SGCZ: variants seen among roughly 807,000 people sequenced by gnomAD.
SGCZ encodes the protein sarcoglycan zeta.
A neutral mutation model predicts 41.3 loss-of-function variants in SGCZ; 40 were observed. That is an observed-to-expected ratio of 0.97 (90% CI 0.75 to 1.26). The LOEUF (loss-of-function observed/expected upper bound fraction) is 1.26, where lower values mean the gene tolerates loss of function less well. Ranked by LOEUF, SGCZ falls within the 50% of genes most tolerant of loss-of-function variation. SGCZ has a pLI of 0.00. For synonymous variants in SGCZ, 206 were observed against 137.5 expected, an observed-to-expected ratio of 1.50 and a Z score of -3.49; for missense variants, 552 against 369.8, an observed-to-expected ratio of 1.49 and a Z score of -4.04.
chr8:14,510,705 A>G (rs146338210), intron 2 of SGCZ, among the ~76,000 whole-genome samples: 26 of 152,288 alleles, frequency 1.7e-4, no homozygotes, highest in African/African-American at 6.3e-4. Flanking sequence ...CTTGATTGAC[A>G]AGGAAAAGAA....
At chr8:14,920,256 A>G (rs1799551450) in intron 1 of SGCZ, among the ~76,000 whole-genome samples, 1 of 152,158 alleles carries the variant, frequency 6.6e-6, no homozygotes, top group East Asian at 1.9e-4. Flanking sequence ...AGATCATCAT[A>G]ACCCAAACTG....
chr8:14,495,202 T>G (rs1801955451), intron 2 of SGCZ, among the ~76,000 whole-genome samples: 2 of 152,154 alleles, frequency 1.3e-5, no homozygotes, highest in Non-Finnish European at 2.9e-5. Flanking sequence ...CATATTATCT[T>G]CTTTGGGTAA....
In SGCZ at chr8:14,656,359, TTC is replaced by T. The variant is rs1563182838; in HGVS notation, c.40-101435_40-101434del. On this transcript the variant is annotated intron_variant, in intron 1 of 7. Transcript: ENST00000382080. ...CCTCCCTTCCTTCTCTCCTTCCTTC[TTC>T]CTTTTCTTTTCGTTTTTTCTTCTTT... Among the ~76,000 whole-genome samples the T allele has an allele frequency of 7.4e-4, 111 of 149,664 alleles. 2 individuals carry two copies. The highest frequency in any genetic ancestry group is 2.6e-3 in the African/African-American group (108 of 41,028).
At chr8:14,826,159 C>T (rs1802303896) in intron 1 of SGCZ, among the ~76,000 whole-genome samples, 2 of 149,416 alleles carry the variant, frequency 1.3e-5, no homozygotes, top group South Asian at 4.3e-4. Context: ...GTTCAATTCC[C>T]ACCTATGAGT....
At chr8:14,933,842 T>A (rs1428469162) in intron 1 of SGCZ, among the ~76,000 whole-genome samples, 1 of 152,070 alleles carries the variant, frequency 6.6e-6, no homozygotes, top group African/African-American at 2.4e-5. Context: ...GCTCGTACCA[T>A]ACCAATTGTT....
At chr8:14,871,053 C>G (rs2130702371) in intron 1 of SGCZ, among the ~76,000 whole-genome samples, 1 of 152,028 alleles carries the variant, frequency 6.6e-6, no homozygotes, top group Admixed American at 6.6e-5. Flanking sequence ...ACTAAAAATA[C>G]AAAATTAGGT....
intron 1 of SGCZ, among the ~76,000 whole-genome samples, chr8:15,068,899 T>C (rs1254030873): frequency 2.6e-5 from 4 of 152,208 alleles, no homozygotes; most frequent in Non-Finnish European, 5.9e-5. Flanking sequence ...GTATTAAGTT[T>C]ATGTGGTCTG....
intron 5 of SGCZ, among the ~76,000 whole-genome samples, chr8:14,154,045 A>T (rs1387615718): frequency 6.6e-6 from 1 of 152,018 alleles, no homozygotes; most frequent in Non-Finnish European, 1.5e-5. Flanking sequence ...TGGCACCCTG[A>T]TCTCGAACTT....
chr8:14,465,745 A>T (rs1283548438), intron 2 of SGCZ, among the ~76,000 whole-genome samples: 1 of 151,778 alleles, frequency 6.6e-6, no homozygotes, highest in African/African-American at 2.4e-5. Flanking sequence ...ATATCAGCTT[A>T]ACTTCAATAA....
At chr8:14,671,842 C>G (rs1032906809) in intron 1 of SGCZ, among the ~76,000 whole-genome samples, 24 of 152,108 alleles carry the variant, frequency 1.6e-4, no homozygotes, top group Non-Finnish European at 2.8e-4. Context: ...TTGGTGTCTT[C>G]TCTCTTCCGT....
At chr8:14,436,476 C>G (rs549410659) in intron 2 of SGCZ, among the ~76,000 whole-genome samples, 1 of 152,138 alleles carries the variant, frequency 6.6e-6, no homozygotes, top group Non-Finnish European at 1.5e-5. Context: ...TTTTAAGACA[C>G]TTTTAAGGGA....
At chr8:14,142,340 T>G (rs139104755) in intron 5 of SGCZ, among the ~76,000 whole-genome samples, 1 of 151,958 alleles carries the variant, frequency 6.6e-6, no homozygotes, top group African/African-American at 2.4e-5. Flanking sequence ...AAAAGAAATA[T>G]GAAAACACAT....
intron 1 of SGCZ, among the ~76,000 whole-genome samples, chr8:14,635,712 G>A (rs1806805184): frequency 6.6e-6 from 1 of 151,484 alleles, no homozygotes; most frequent in South Asian, 2.1e-4. Flanking sequence ...TGGAAGCCGT[G>A]TTCCAACTGA....
intron 5 of SGCZ, among the ~76,000 whole-genome samples, chr8:14,138,770 T>A (rs768750142): frequency 6.6e-6 from 1 of 152,126 alleles, no homozygotes; most frequent in Non-Finnish European, 1.5e-5. Flanking sequence ...CTGTAAACAT[T>A]AGACAGATCA....
At chr8:15,188,137 G>A (rs1009839754) in intron 1 of SGCZ, among the ~76,000 whole-genome samples, 3 of 151,882 alleles carry the variant, frequency 2.0e-5, no homozygotes, top group Non-Finnish European at 4.4e-5. Flanking sequence ...TAGATAATCT[G>A]ACTGCAGCAT....
chr8:15,046,946 G>T (rs1804328541), intron 1 of SGCZ, among the ~76,000 whole-genome samples: 1 of 151,712 alleles, frequency 6.6e-6, no homozygotes, highest in Non-Finnish European at 1.5e-5. Flanking sequence ...TTTCAAAATT[G>T]TTCATTCATA....
chr8:15,004,770 G>T (rs1802541501), intron 1 of SGCZ, among the ~76,000 whole-genome samples: 1 of 152,120 alleles, frequency 6.6e-6, no homozygotes. Flanking sequence ...AGGAATAAGA[G>T]GTGGAAAACT....
intron 1 of SGCZ, among the ~76,000 whole-genome samples, chr8:14,694,357 G>C (rs561720140): frequency 3.3e-5 from 5 of 151,994 alleles, no homozygotes; most frequent in African/African-American, 1.2e-4. Context: ...TATTTTTCTG[G>C]GATATTTTGC....
chr8:14,190,627 G>C lies in SGCZ; in HGVS notation c.425-25925C>G, dbSNP rs894995698. On this transcript the variant is annotated intron_variant, in intron 4 of 7. Transcript: ENST00000382080. ...TTTCTTTTTTTGTTTTTTTGAGATG[G>C]AGTCTCGCTCTGTCGCCCAGGCTGG... Among the ~76,000 whole-genome samples, 3 of 151,768 alleles carry C rather than the reference G, an allele frequency of 2.0e-5. No homozygotes were observed. The South Asian group carries it at 6.2e-4, about 32-fold the overall frequency.
Sources: allele counts gnomAD v4.1 joint callset (sites outside exome capture counted in the v4.1 genomes callset), GRCh38; gene constraint gnomAD v4.1.1; transcripts MANE v1.5; gene names NCBI Gene and HGNC (gene_info 2026-07-23, HGNC 2026-07-21).